CREBBP: variants seen among roughly 807,000 people sequenced by gnomAD.
CREBBP encodes the protein CREB-binding protein.
CREBBP carries 19 observed loss-of-function variants against 265.0 expected under a neutral mutation model. The ratio of observed to expected loss-of-function variants is 0.07; its 90% CI spans 0.05 to 0.11. CREBBP has a LOEUF of 0.11. Among genes scored for constraint, CREBBP ranks in the 10% least tolerant of loss-of-function variants. The probability of loss-of-function intolerance (pLI) is 1.00; values close to 1 mark genes in which losing one functional copy is unlikely to be tolerated. For synonymous variants in CREBBP, 1,457 were observed against 1,223.7 expected (o/e 1.19, Z -3.98); for missense variants, 2,525 against 3,219.0 (o/e 0.78, Z 5.22).
chr16:3,824,426 A>C (rs1262567640), intron 2 of CREBBP, among the ~76,000 whole-genome samples: 1 of 152,262 alleles, frequency 6.6e-6, no homozygotes, highest in African/African-American at 2.4e-5. Context: ...GGGTTAACTG[A>C]CAGAGCTAAA....
At chr16:3,745,699 G>C in intron 21 of CREBBP, 1 of 393,066 alleles carries the variant, frequency 2.5e-6, no homozygotes, top group Non-Finnish European at 4.8e-6. Context: ...CAAGAACAAT[G>C]CCTTCTCTAG....
intron 3 of CREBBP, among the ~76,000 whole-genome samples, chr16:3,805,029 G>C (rs1047219616): frequency 1.3e-5 from 2 of 152,326 alleles, no homozygotes; most frequent in African/African-American, 4.8e-5. Flanking sequence ...CTTCTCATTT[G>C]CAACACATCA....
intron 8 of CREBBP, among the ~76,000 whole-genome samples, chr16:3,780,241 C>CA (rs559038927): frequency 0.1 from 5,307 of 52,460 alleles, 441 homozygotes; most frequent in African/African-American, 0.24. Context: ...GACTCTGTCT[C>CA]AAAAAAAAAA....
intron 2 of CREBBP, among the ~76,000 whole-genome samples, chr16:3,817,276 G>C (rs566035059): frequency 2.6e-4 from 40 of 152,016 alleles, no homozygotes; most frequent in Non-Finnish European, 5.6e-4. Context: ...CTTGCACACA[G>C]AATTACTGAC....
chr16:3,762,397 G>T (rs12102673), intron 16 of CREBBP, among the ~76,000 whole-genome samples: 13,226 of 131,938 alleles, frequency 0.1, 1,444 homozygotes, highest in African/African-American at 0.27. Context: ...GGAGTCTCGC[G>T]CTGTCACCCA....
At chr16:3,765,904 T>C (rs373338927) in intron 16 of CREBBP, among the ~76,000 whole-genome samples, 20 of 152,164 alleles carry the variant, frequency 1.3e-4, no homozygotes, top group African/African-American at 4.6e-4. Flanking sequence ...GGTGCAATCA[T>C]AGACCCTGAA....
intron 19 of CREBBP, among the ~76,000 whole-genome samples, chr16:3,756,725 G>C (rs1472768687): frequency 6.6e-6 from 1 of 152,144 alleles, no homozygotes; most frequent in Non-Finnish European, 1.5e-5. Context: ...CTTTCCATGA[G>C]ACTGATCAGG....
intron 7 of CREBBP, 66 bp downstream of exon 7, chr16:3,781,138 A>G: frequency 2.1e-6 from 3 of 1,408,672 alleles, no homozygotes; most frequent in Non-Finnish European, 3.0e-6. Flanking sequence ...AGAAAGAATC[A>G]GTTTTGTGTG....
chr16:3,839,917 G>A (rs2054534611), intron 2 of CREBBP, among the ~76,000 whole-genome samples: 1 of 152,170 alleles, frequency 6.6e-6, no homozygotes, highest in Admixed American at 6.5e-5. Context: ...ATTATCATGG[G>A]AAGGTAGGTA....
chr16:3,828,765 CAT>C (rs746843981), intron 2 of CREBBP, among the ~76,000 whole-genome samples: 12 of 152,292 alleles, frequency 7.9e-5, no homozygotes, highest in East Asian at 3.9e-4. Context: ...CACTTTCAAA[CAT>C]GTGTCGTCTT....
chr16:3,818,765 T>C (rs1185076381), intron 2 of CREBBP, among the ~76,000 whole-genome samples: 3 of 152,150 alleles, frequency 2.0e-5, no homozygotes. Flanking sequence ...GGGGTGTCAC[T>C]GATGCTGGTC....
At chr16:3,753,840 G>A (rs1250710963) in intron 19 of CREBBP, among the ~76,000 whole-genome samples, 1 of 152,180 alleles carries the variant, frequency 6.6e-6, no homozygotes, top group Non-Finnish European at 1.5e-5. Flanking sequence ...TGGCCAACTA[G>A]AAGGGACCGT....
intron 2 of CREBBP, among the ~76,000 whole-genome samples, chr16:3,834,644 C>T (rs1018439089): frequency 6.6e-6 from 1 of 152,100 alleles, no homozygotes; most frequent in Non-Finnish European, 1.5e-5. Flanking sequence ...ATGTACAACA[C>T]CAAGAGTGAA....
intron 2 of CREBBP, among the ~76,000 whole-genome samples, chr16:3,825,627 G>C (rs370221503): frequency 2.6e-5 from 4 of 152,218 alleles, no homozygotes; most frequent in African/African-American, 9.6e-5. Flanking sequence ...ATCACAGTTA[G>C]AAGGCATTTT....
intron 23 of CREBBP, chr16:3,742,217 G>A (rs879655635): frequency 1.3e-5 from 2 of 152,254 alleles, no homozygotes; most frequent in African/African-American, 2.4e-5. Context: ...GTCTCAGACA[G>A]CACAGGGGTC....
intron 27 of CREBBP, 28 bp downstream of exon 27, chr16:3,736,622 G>A (rs2151328955): frequency 6.2e-7 from 1 of 1,614,180 alleles, no homozygotes; most frequent in Non-Finnish European, 8.5e-7. Flanking sequence ...TGTGACAAAA[G>A]CCACCACCTT....
chr16:3,763,827 G>A (rs1385055185), intron 16 of CREBBP, among the ~76,000 whole-genome samples: 1 of 150,420 alleles, frequency 6.6e-6, no homozygotes, highest in Non-Finnish European at 1.5e-5. Context: ...CATCTGCACA[G>A]ATGGGAAAAA....
chr16:3,763,748 G>A (rs552123791), intron 16 of CREBBP, among the ~76,000 whole-genome samples: 1 of 152,114 alleles, frequency 6.6e-6, no homozygotes, highest in Non-Finnish European at 1.5e-5. Flanking sequence ...ACAGGTGTGA[G>A]CCACTGCGCC....
chr16:3,805,317 T>A (rs1161956470), intron 3 of CREBBP, among the ~76,000 whole-genome samples: 1 of 152,200 alleles, frequency 6.6e-6, no homozygotes, highest in Non-Finnish European at 1.5e-5. Flanking sequence ...ATAATCATAG[T>A]GTAATTTTTC....
Sources: allele counts gnomAD v4.1 joint callset (sites outside exome capture counted in the v4.1 genomes callset), GRCh38; gene constraint gnomAD v4.1.1; transcripts MANE v1.5; gene names NCBI Gene and HGNC (gene_info 2026-07-23, HGNC 2026-07-21).